MAGI1: variants seen among roughly 807,000 people sequenced by gnomAD.
MAGI1 encodes membrane associated guanylate kinase, WW and PDZ domain containing 1, also known as membrane-associated guanylate kinase, WW and PDZ domain-containing protein 1.
In MAGI1, 58 loss-of-function variants were observed where a neutral mutation model predicts 139.9. The observed-to-expected ratio is 0.41, with a 90% confidence interval of 0.34 to 0.52. MAGI1 has a LOEUF of 0.52. Among genes scored for constraint, MAGI1 ranks in the 20% least tolerant of loss-of-function variants. The pLI, the probability that MAGI1 is intolerant of heterozygous loss-of-function variation, is 0.12. For synonymous variants in MAGI1, 812 were observed against 737.9 expected (o/e 1.10, Z -1.63); for missense variants, 1,874 against 1,901.6 (o/e 0.99, Z 0.27).
In MAGI1 at chr3:65,806,310, T is replaced by A. The variant is rs1013256308; in HGVS notation, c.314-184222A>T. Reference sequence around the variant, plus strand: ...CGGGCATGGTAGTGTGCGCCTGTGGTCCCAGCTACTCGGGAGGCTGAGGCA... The same window carrying A: ...CGGGCATGGTAGTGTGCGCCTGTGGACCCAGCTACTCGGGAGGCTGAGGCA... On this transcript the variant is annotated intron_variant, in intron 1 of 22. Coordinates refer to ENST00000402939, the MANE Select transcript of MAGI1 (RefSeq NM_001033057.2). Among the ~76,000 whole-genome samples the A allele has an allele frequency of 7.2e-5, 11 of 151,780 alleles. 1 individual carries two copies. Among genetic ancestry groups the A allele is most frequent in the Non-Finnish European group, 1.5e-5 (1 of 67,970 alleles).
intron 2 of MAGI1, among the ~76,000 whole-genome samples, chr3:65,610,131 C>T (rs1270926909): frequency 6.6e-6 from 1 of 152,062 alleles, no homozygotes; most frequent in Non-Finnish European, 1.5e-5. Flanking sequence ...AAATGATCCA[C>T]TCAACAGTAA....
rs1251507074 is a variant in MAGI1, at chr3:65,530,689, G to GTA, written c.431-37060_431-37059dup. Among the ~76,000 whole-genome samples the GTA allele has an allele frequency of 3.3e-4, 44 of 135,136 alleles. 1 individual carries two copies. The highest frequency in any genetic ancestry group is 3.9e-4 in the Non-Finnish European group (25 of 63,956). The allele number at this position is 135,136 out of a possible 152,430, so 88.7% of individuals were successfully genotyped here. ...TATATATATACATATATATATACGT[G>GTA]TATATATATACACATATACACGTGT... is the stretch of plus-strand genomic sequence containing the variant. On this transcript the variant is annotated intron_variant, in intron 2 of 22. Coordinates refer to ENST00000402939, the MANE Select transcript of MAGI1 (RefSeq NM_001033057.2).
rs552223704 is a variant in MAGI1, at chr3:65,516,355, T to A, written c.431-22724A>T. On this transcript the variant is annotated intron_variant, in intron 2 of 22. Coordinates refer to ENST00000402939, the MANE Select transcript of MAGI1 (RefSeq NM_001033057.2). Reference sequence around the variant, plus strand: ...CCACCCCACCCGGCTAATTTCTGTATTTTTAGTAGAGATAGGGTTTCACCA... The same window carrying A: ...CCACCCCACCCGGCTAATTTCTGTAATTTTAGTAGAGATAGGGTTTCACCA... Among the ~76,000 whole-genome samples the A allele has an allele frequency of 3.0e-3, 461 of 152,090 alleles. 2 individuals carry two copies. The highest frequency in any genetic ancestry group is 0.01 in the African/African-American group (432 of 41,508).
intron 2 of MAGI1, among the ~76,000 whole-genome samples, chr3:65,537,206 A>G (rs919801301): frequency 1.3e-5 from 2 of 152,050 alleles, no homozygotes. Context: ...TAGATCAAAC[A>G]CATTTATTCC....
chr3:65,819,422 C>T (rs2041806817), intron 1 of MAGI1, among the ~76,000 whole-genome samples: 1 of 152,156 alleles, frequency 6.6e-6, no homozygotes, highest in Admixed American at 6.5e-5. Flanking sequence ...CCCTTCCCTC[C>T]ACCCTCACAT....
Position 65,838,902 on chromosome 3 carries a change from C to G in MAGI1, c.313+199094G>C, listed in dbSNP as rs557961033. On this transcript the variant is annotated intron_variant, in intron 1 of 22. Coordinates refer to ENST00000402939, the MANE Select transcript of MAGI1 (RefSeq NM_001033057.2). The stretch of plus-strand genomic sequence containing the variant: ...CACCAGGATTTGGTGTTGCCACTAT[C>G]TTTTATTTCAGCTGTTCTCTGTGTA... Among the ~76,000 whole-genome samples, 34 of 152,318 alleles carry G rather than the reference C, an allele frequency of 2.2e-4. 2 individuals are homozygous for G. Among genetic ancestry groups the G allele is most frequent in the African/African-American group, 7.9e-4 (33 of 41,566 alleles).
rs977034329 is a variant in MAGI1 at position 65,680,839 on chromosome 3, G to A, written c.314-58751C>T. On this transcript the variant is annotated intron_variant, in intron 1 of 22. Coordinates refer to ENST00000402939, the MANE Select transcript of MAGI1 (RefSeq NM_001033057.2). ...AAATCATAATAATGATAGCAATTAT[G>A]GGACAACCAGGCACACATACTAGAA... Among the ~76,000 whole-genome samples the A allele has an allele frequency of 2.6e-5, 4 of 151,120 alleles. No homozygotes were observed. The East Asian group carries it at 5.8e-4, about 22-fold the overall frequency.
chr3:65,434,385 G>A (rs77394639), intron 10 of MAGI1, among the ~76,000 whole-genome samples: 1 of 152,134 alleles, frequency 6.6e-6, no homozygotes, highest in Non-Finnish European at 1.5e-5. Flanking sequence ...GTGTGGTGGA[G>A]GGGTAGCTGC....
chr3:65,431,409 T>C (rs778306893), intron 10 of MAGI1, among the ~76,000 whole-genome samples: 7 of 152,118 alleles, frequency 4.6e-5, no homozygotes, highest in Non-Finnish European at 7.3e-5. Context: ...TTGACAAAAA[T>C]GTAGAATGAC....
intron 2 of MAGI1, among the ~76,000 whole-genome samples, chr3:65,599,345 G>A (rs1439455245): frequency 3.3e-5 from 5 of 152,274 alleles, no homozygotes; most frequent in African/African-American, 1.2e-4. Context: ...CATAGCAGAT[G>A]AGAAAATAAA....
At position 65,944,443 on chromosome 3, in the gene MAGI1, A is replaced by C. The variant is rs946513867; in HGVS notation, c.313+93553T>G. ...TGAGGTTGGAGGATAGTTTGAGCCCAGGAAGTTGAAGATGCAGTAAGACAT... is the reference window on the plus strand; with the variant it reads ...TGAGGTTGGAGGATAGTTTGAGCCCCGGAAGTTGAAGATGCAGTAAGACAT... On this transcript the variant is annotated intron_variant, in intron 1 of 22. Transcript: ENST00000402939. Among the ~76,000 whole-genome samples, 45 of 152,202 alleles carry C rather than the reference A, an allele frequency of 3.0e-4. 1 individual carries two copies. Among genetic ancestry groups the C allele is most frequent in the Admixed American group, 2.6e-3 (39 of 15,280 alleles).
At chr3:65,789,278 C>T (rs2039602636) in intron 1 of MAGI1, among the ~76,000 whole-genome samples, 1 of 152,118 alleles carries the variant, frequency 6.6e-6, no homozygotes, top group Non-Finnish European at 1.5e-5. Flanking sequence ...TAAGATAGTG[C>T]CACCAGTCCT....
chr3:65,424,963 C>T (rs1316959137), intron 12 of MAGI1, among the ~76,000 whole-genome samples: 1 of 151,676 alleles, frequency 6.6e-6, no homozygotes, highest in Non-Finnish European at 1.5e-5. Context: ...GTAGTCCTAG[C>T]TATTCAGGAG....
At chr3:65,371,677 T>C (rs560597871) in intron 18 of MAGI1, among the ~76,000 whole-genome samples, 1 of 152,360 alleles carries the variant, frequency 6.6e-6, no homozygotes, top group East Asian at 1.9e-4. Context: ...GAGTCAATCC[T>C]CTCAGACTCT....
Position 65,638,791 on chromosome 3 carries a change from G to C in MAGI1, c.314-16703C>G, listed in dbSNP as rs188754102. The stretch of plus-strand genomic sequence containing the variant: ...CCAGCTAACTTTTATATTTTTAGTA[G>C]AGACGGGGTTTCACCATGTTGGCCA... On this transcript the variant is annotated intron_variant, in intron 1 of 22. Coordinates refer to ENST00000402939, the MANE Select transcript of MAGI1 (RefSeq NM_001033057.2). Among the ~76,000 whole-genome samples the C allele has an allele frequency of 3.6e-3, 551 of 151,870 alleles. 6 individuals are homozygous for C. Among genetic ancestry groups the C allele is most frequent in the African/African-American group, 0.013 (531 of 41,420 alleles).
intron 1 of MAGI1, among the ~76,000 whole-genome samples, chr3:65,787,280 T>C (rs1042156071): frequency 6.6e-5 from 10 of 152,058 alleles, no homozygotes; most frequent in African/African-American, 2.4e-4. Context: ...CGGTCATCTT[T>C]AAGACACCTC....
intron 12 of MAGI1, among the ~76,000 whole-genome samples, chr3:65,414,265 G>A (rs1441706048): frequency 1.3e-5 from 2 of 152,158 alleles, no homozygotes; most frequent in African/African-American, 4.8e-5. Context: ...AAAGGTGCTC[G>A]GTTCACCCCA....
intron 1 of MAGI1, among the ~76,000 whole-genome samples, chr3:65,869,873 T>C (rs1332681836): frequency 5.9e-5 from 9 of 152,208 alleles, no homozygotes; most frequent in Non-Finnish European, 1.2e-4. Context: ...TTCATGAGAA[T>C]GAGAAGGCAA....
At chr3:65,441,790 T>C (rs968079883) in intron 8 of MAGI1, among the ~76,000 whole-genome samples, 1 of 152,178 alleles carries the variant, frequency 6.6e-6, no homozygotes, top group Non-Finnish European at 1.5e-5. Context: ...GAGGTAAAAG[T>C]TAGTACTGGC....
Sources: gnomAD v4.1 joint callset for allele counts (sites outside exome capture counted in the v4.1 genomes callset) on GRCh38, gnomAD v4.1.1 for gene constraint, MANE v1.5 for transcripts, NCBI Gene and HGNC (gene_info 2026-07-23, HGNC 2026-07-21) for gene names.